The following CSMD1 variants were observed in gnomAD, a reference collection of about 807,000 sequenced individuals.
CSMD1 encodes CUB and sushi domain-containing protein 1.
Under a neutral mutation model 417.5 loss-of-function variants are expected in CSMD1, and 213 were observed. That is an observed-to-expected ratio of 0.51 (90% CI 0.46 to 0.57). CSMD1 has a LOEUF of 0.57. Ranked by LOEUF, CSMD1 falls within the 20% of genes least tolerant of loss-of-function variation. The pLI is 0.00. For missense variants in CSMD1, 6,923 were observed against 4,529.7 expected, an observed-to-expected ratio of 1.53 and a Z score of -15.17; for synonymous variants, 2,862 against 1,736.8, an observed-to-expected ratio of 1.65 and a Z score of -16.11.
chr8:3,686,740 A>T (rs966831373), intron 7 of CSMD1, among the ~76,000 whole-genome samples: 19 of 152,344 alleles, frequency 1.2e-4, no homozygotes, highest in African/African-American at 4.6e-4. Context: ...TTTCACAAGC[A>T]AATATTCTTT....
intron 3 of CSMD1, among the ~76,000 whole-genome samples, chr8:4,403,136 G>A (rs1054229141): frequency 2.0e-5 from 3 of 152,024 alleles, no homozygotes; most frequent in Non-Finnish European, 4.4e-5. Flanking sequence ...CGGCCAAAAT[G>A]TCCTCACTTT....
intron 2 of CSMD1, among the ~76,000 whole-genome samples, chr8:4,527,888 G>A (rs17070487): frequency 0.09 from 13,636 of 152,202 alleles, 723 homozygotes; most frequent in South Asian, 0.13. Flanking sequence ...AGACTTAACA[G>A]GGGAAGATAA....
At chr8:3,667,030 G>A (rs1185847337) in intron 7 of CSMD1, among the ~76,000 whole-genome samples, 1 of 152,148 alleles carries the variant, frequency 6.6e-6, no homozygotes, top group Non-Finnish European at 1.5e-5. Context: ...CGCCAAGCTA[G>A]AAGTATGCTC....
intron 1 of CSMD1, among the ~76,000 whole-genome samples, chr8:4,873,188 C>T (rs1802834989): frequency 6.6e-6 from 1 of 152,032 alleles, no homozygotes; most frequent in Non-Finnish European, 1.5e-5. Flanking sequence ...GAGGTGGCAA[C>T]AATGAGTAAT....
chr8:4,428,166 C>T (rs1442643654), intron 2 of CSMD1, among the ~76,000 whole-genome samples: 1 of 152,192 alleles, frequency 6.6e-6, no homozygotes, highest in African/African-American at 2.4e-5. Flanking sequence ...GTGAATCTGG[C>T]TTCACTTAAA....
At chr8:2,981,592 T>C (rs896570573) in intron 54 of CSMD1, among the ~76,000 whole-genome samples, 14 of 152,136 alleles carry the variant, frequency 9.2e-5, no homozygotes, top group Non-Finnish European at 7.3e-5. Context: ...TTTTGTCAGC[T>C]GGGAGGAATG....
intron 6 of CSMD1, among the ~76,000 whole-genome samples, chr8:3,709,680 G>GGCTTTTTTTTTTTTTTTTTTTT (rs1554518393): frequency 3.9e-4 from 13 of 33,702 alleles, no homozygotes; most frequent in African/African-American, 1.1e-3. Context: ...GCAGCAGCAT[G>GGCTTTTTTTTTTTTTTTTTTTT]TTTTTTTTTT....
intron 7 of CSMD1, among the ~76,000 whole-genome samples, chr8:3,665,487 C>G (rs1798640529): frequency 1.3e-5 from 2 of 152,088 alleles, no homozygotes; most frequent in South Asian, 4.1e-4. Flanking sequence ...CAAGATCACG[C>G]CACTGCACTC....
chr8:4,314,033 T>C (rs1429066206), intron 3 of CSMD1, among the ~76,000 whole-genome samples: 1 of 150,750 alleles, frequency 6.6e-6, no homozygotes, highest in African/African-American at 2.4e-5. Context: ...ATAATAATAA[T>C]AATGATAATA....
intron 5 of CSMD1, among the ~76,000 whole-genome samples, chr8:3,785,986 T>A (rs1284638027): frequency 6.6e-6 from 1 of 152,160 alleles, no homozygotes; most frequent in African/African-American, 2.4e-5. Context: ...CCAGGAGACC[T>A]GAGTACTTAG....
intron 10 of CSMD1, among the ~76,000 whole-genome samples, chr8:3,503,372 G>A (rs1417475489): frequency 6.6e-6 from 1 of 152,216 alleles, no homozygotes; most frequent in Non-Finnish European, 1.5e-5. Flanking sequence ...ATGACTATTA[G>A]CCTATGCTAC....
chr8:4,632,218 G>A (rs1340485729), intron 2 of CSMD1, among the ~76,000 whole-genome samples: 1 of 152,112 alleles, frequency 6.6e-6, no homozygotes, highest in Non-Finnish European at 1.5e-5. Context: ...ATTCAAAATT[G>A]CCCCACGAAC....
chr8:4,739,152 T>C (rs185991848), intron 1 of CSMD1, among the ~76,000 whole-genome samples: 207 of 152,270 alleles, frequency 1.4e-3, no homozygotes, highest in African/African-American at 4.8e-3. Context: ...ATACACACAC[T>C]TTACTTCCTA....
intron 8 of CSMD1, among the ~76,000 whole-genome samples, chr8:3,593,169 G>C (rs1439466536): frequency 6.6e-6 from 1 of 152,242 alleles, no homozygotes; most frequent in Admixed American, 6.5e-5. Flanking sequence ...TGGAGGCTGT[G>C]GAAGCCCAGT....
At chr8:3,888,519 G>A (rs911700155) in intron 5 of CSMD1, among the ~76,000 whole-genome samples, 15 of 152,152 alleles carry the variant, frequency 9.9e-5, no homozygotes, top group African/African-American at 3.4e-4. Context: ...CGCTTTGCTG[G>A]CTCCCCCATC....
chr8:3,510,554 G>C (rs1266397079), intron 10 of CSMD1, among the ~76,000 whole-genome samples: 2 of 151,824 alleles, frequency 1.3e-5, no homozygotes, highest in Non-Finnish European at 2.9e-5. Context: ...AGCAACATTT[G>C]TCACTTGCTT....
intron 2 of CSMD1, among the ~76,000 whole-genome samples, chr8:4,587,500 T>A (rs1251247952): frequency 6.6e-6 from 1 of 152,042 alleles, no homozygotes. Context: ...TATGTATATA[T>A]ATATGCACAC....
intron 1 of CSMD1, among the ~76,000 whole-genome samples, chr8:4,839,685 A>G (rs1361889224): frequency 6.6e-6 from 1 of 152,180 alleles, no homozygotes; most frequent in Non-Finnish European, 1.5e-5. Context: ...CAGAATTCTC[A>G]CTTCTCATGA....
chr8:4,729,659 T>C (rs1809719120), intron 1 of CSMD1, among the ~76,000 whole-genome samples: 1 of 152,222 alleles, frequency 6.6e-6, no homozygotes, highest in Non-Finnish European at 1.5e-5. Context: ...TGAGTATCTA[T>C]TTGGCAACAG....
Sources: gnomAD v4.1 joint callset for allele counts (sites outside exome capture counted in the v4.1 genomes callset) on GRCh38, gnomAD v4.1.1 for gene constraint, MANE v1.5 for transcripts, NCBI Gene and HGNC (gene_info 2026-07-23, HGNC 2026-07-21) for gene names.